Variants in PRKACB observed in about 807,000 individuals in gnomAD.
PRKACB encodes protein kinase cAMP-activated catalytic subunit beta.
Under a neutral mutation model 51.4 loss-of-function variants are expected in PRKACB, and 16 were observed. The observed-to-expected ratio is 0.31, with a 90% CI of 0.21 to 0.47. The LOEUF (loss-of-function observed/expected upper bound fraction) is 0.47. Among genes scored for constraint, PRKACB ranks in the 20% least tolerant of loss-of-function variants. The probability of loss-of-function intolerance (pLI) is 1.00; values close to 1 mark genes in which losing one functional copy is unlikely to be tolerated. For synonymous variants in PRKACB, 147 were observed against 154.4 expected (o/e 0.95, Z 0.35); for missense variants, 309 against 464.5 (o/e 0.67, Z 3.08).
At chr1:84,128,686 G>C (rs536165626) in intron 1 of PRKACB, among the ~76,000 whole-genome samples, 1 of 152,286 alleles carries the variant, frequency 6.6e-6, no homozygotes, top group South Asian at 2.1e-4. Context: ...CAAAACTAGT[G>C]ATATAGTCAG....
intron 5 of PRKACB, among the ~76,000 whole-genome samples, chr1:84,192,659 A>G (rs1184320551): frequency 6.6e-6 from 1 of 152,148 alleles, no homozygotes; most frequent in Non-Finnish European, 1.5e-5. Flanking sequence ...TAACAAGGCA[A>G]TCTCTGAGTC....
chr1:84,120,337 C>T (rs762451061), intron 1 of PRKACB, among the ~76,000 whole-genome samples: 1 of 151,948 alleles, frequency 6.6e-6, no homozygotes, highest in South Asian at 2.1e-4. Flanking sequence ...TTAGTGTATT[C>T]GAAATTAGGA....
intron 2 of PRKACB, chr1:84,181,743 A>T: frequency 2.0e-6 from 3 of 1,487,192 alleles, no homozygotes; most frequent in South Asian, 2.5e-5. Context: ...CTTTAGTGAA[A>T]GAGCTCTGAT....
At chr1:84,107,316 A>G (rs1336798669) in intron 1 of PRKACB, among the ~76,000 whole-genome samples, 1 of 152,010 alleles carries the variant, frequency 6.6e-6, no homozygotes. Context: ...CCTTCCTTAT[A>G]CCATATGCAA....
At chr1:84,215,987 C>T (rs1252970016) in intron 9 of PRKACB, among the ~76,000 whole-genome samples, 2 of 151,754 alleles carry the variant, frequency 1.3e-5, no homozygotes, top group African/African-American at 4.8e-5. Context: ...AAATTTAATG[C>T]TCTAATTAAG....
chr1:84,179,340 T>C, intron 2 of PRKACB, 102 bp downstream of exon 2: 1 of 1,322,958 alleles, frequency 7.6e-7, no homozygotes, highest in Non-Finnish European at 9.9e-7. Flanking sequence ...AATTTTCATG[T>C]GGTGTTAGTA....
intron 1 of PRKACB, among the ~76,000 whole-genome samples, chr1:84,168,037 C>T (rs1468448786): frequency 3.3e-5 from 5 of 151,560 alleles, no homozygotes; most frequent in African/African-American, 1.2e-4. Context: ...AAAGGAACTT[C>T]TCTGAAAATC....
At chr1:84,223,202 A>G (rs905479478) in intron 9 of PRKACB, among the ~76,000 whole-genome samples, 1 of 151,946 alleles carries the variant, frequency 6.6e-6, no homozygotes, top group Non-Finnish European at 1.5e-5. Context: ...TTGTTCATTA[A>G]TTTTTATTTT....
chr1:84,163,378 A>G lies in PRKACB; in HGVS notation c.188-15799A>G, dbSNP rs571791244. On this transcript the variant is annotated intron_variant, in intron 1 of 9. Transcript: ENST00000370685. ...ATGCTATGTTTCTTGCTATACCACC[A>G]ATGTGTTGCTTAGCCCTACCAAGGC... Among the ~76,000 whole-genome samples, 3 of 152,100 alleles carry G rather than the reference A, an allele frequency of 2.0e-5. No homozygotes were observed. The South Asian group carries it at 6.2e-4, about 32-fold the overall frequency.
At chr1:84,081,802 A>G (rs1361916398) in intron 1 of PRKACB, among the ~76,000 whole-genome samples, 1 of 152,164 alleles carries the variant, frequency 6.6e-6, no homozygotes, top group African/African-American at 2.4e-5. Flanking sequence ...GTTGAGGCCC[A>G]TGGGTGAAAA....
At chr1:84,124,862 C>T (rs769666357) in intron 1 of PRKACB, among the ~76,000 whole-genome samples, 14 of 152,182 alleles carry the variant, frequency 9.2e-5, no homozygotes, top group Non-Finnish European at 2.1e-4. Flanking sequence ...TTCTCATCAA[C>T]ACGAAGGGCT....
intron 1 of PRKACB, among the ~76,000 whole-genome samples, chr1:84,156,507 C>G (rs1279442768): frequency 6.6e-6 from 1 of 152,118 alleles, no homozygotes; most frequent in East Asian, 1.9e-4. Context: ...AATTTATACT[C>G]ATATGCTTAG....
In PRKACB at chr1:84,185,187, C is replaced by T. The variant is rs1307746914; in HGVS notation, c.560+5C>T. ...AAGAAGAATTGGAAGGTTCAGGTAA[C>T]TAATGGTTTTGCTTTCTTCAAATCT... On this transcript the variant is annotated splice_donor_5th_base_variant and intron_variant, in intron 5 of 9. Coordinates refer to ENST00000370685, the MANE Select transcript of PRKACB (RefSeq NM_182948.4). 6.7e-7 allele frequency: 1 copy of T among 1,501,792 alleles called. No homozygotes were observed. Among genetic ancestry groups the T allele is most frequent in the Non-Finnish European group, 8.9e-7 (1 of 1,126,706 alleles). 93.0% of individuals were successfully genotyped at this position (1,501,792 alleles called of 1,614,324 possible).
rs369377284 is a variant in PRKACB at position 84,186,926 on chromosome 1, C to T, written c.560+1744C>T. Among the ~76,000 whole-genome samples, 20 of 152,248 alleles carry T rather than the reference C, an allele frequency of 1.3e-4. 1 individual carries two copies. The South Asian group carries it at 3.7e-3, about 28-fold the overall frequency. ...CAGTCATCTTTAAGTGTTGGGCTAACGTTATTCTGTTGGGACAGCTGCCTT... is the reference window on the plus strand; with the variant it reads ...CAGTCATCTTTAAGTGTTGGGCTAATGTTATTCTGTTGGGACAGCTGCCTT... On this transcript the variant is annotated intron_variant, in intron 5 of 9. Coordinates refer to ENST00000370685, the MANE Select transcript of PRKACB (RefSeq NM_182948.4).
chr1:84,220,113 T>C (rs1673480503), intron 9 of PRKACB, among the ~76,000 whole-genome samples: 2 of 152,164 alleles, frequency 1.3e-5, no homozygotes, highest in South Asian at 4.1e-4. Flanking sequence ...TTTGTTTCTG[T>C]CCTTTTTAAT....
intron 1 of PRKACB, among the ~76,000 whole-genome samples, chr1:84,114,288 C>T (rs990552320): frequency 3.3e-5 from 5 of 151,972 alleles, no homozygotes; most frequent in African/African-American, 1.2e-4. Context: ...ACCATCCAGG[C>T]AAATTAGAAA....
intron 1 of PRKACB, among the ~76,000 whole-genome samples, chr1:84,160,329 T>C (rs1047581679): frequency 3.7e-4 from 56 of 151,960 alleles, no homozygotes; most frequent in Admixed American, 2.6e-4. Flanking sequence ...TCTTATATGA[T>C]TGGGATAAGG....
chr1:84,078,481 G>A, intron 1 of PRKACB: 2 of 1,304,354 alleles, frequency 1.5e-6, no homozygotes, highest in Non-Finnish European at 2.1e-6. Context: ...GCCTAGCAGC[G>A]GCCGCCGGGA....
chr1:84,219,542 A>G (rs1673381755), intron 9 of PRKACB, among the ~76,000 whole-genome samples: 1 of 151,792 alleles, frequency 6.6e-6, no homozygotes, highest in Non-Finnish European at 1.5e-5. Flanking sequence ...AATGTTCTAG[A>G]GCATTTCCCG....
Sources: gnomAD v4.1 joint callset for allele counts (sites outside exome capture counted in the v4.1 genomes callset) on GRCh38, gnomAD v4.1.1 for gene constraint, MANE v1.5 for transcripts, NCBI Gene and HGNC (gene_info 2026-07-23, HGNC 2026-07-21) for gene names.